The following POU6F1 variants were observed in gnomAD, a reference collection of about 807,000 sequenced individuals.
POU6F1 encodes POU class 6 homeobox 1.
Under a neutral mutation model 28.9 loss-of-function variants are expected in POU6F1, and 9 were observed. The observed-to-expected ratio is 0.31, with a 90% CI of 0.19 to 0.54. The LOEUF (loss-of-function observed/expected upper bound fraction) is 0.54, where lower values mean the gene tolerates loss of function less well. POU6F1 is among the 20% of genes least tolerant of loss of function. The probability of loss-of-function intolerance (pLI) is 0.94; values close to 1 mark genes in which losing one functional copy is unlikely to be tolerated. For synonymous variants in POU6F1, 173 were observed against 171.1 expected, an observed-to-expected ratio of 1.01 and a Z score of -0.09; for missense variants, 338 against 426.1, an observed-to-expected ratio of 0.79 and a Z score of 1.82.
At chr12:51,193,802 CTA>C (rs1429561271) in intron 8 of POU6F1, among the ~76,000 whole-genome samples, 6 of 152,064 alleles carry the variant, frequency 3.9e-5, no homozygotes, top group Admixed American at 1.3e-4. Context: ...TCAGAAGAAA[CTA>C]TAAATATATG....
chr12:51,200,913 G>A (rs951188679), intron 3 of POU6F1, among the ~76,000 whole-genome samples: 6 of 152,044 alleles, frequency 3.9e-5, no homozygotes, highest in Admixed American at 2.6e-4. Flanking sequence ...GGCTAGTCTC[G>A]AACTCCTGAC....
Position 51,209,057 on chromosome 12 carries a change from G to C in POU6F1, c.-47-2174C>G, listed in dbSNP as rs754336676. Among the ~76,000 whole-genome samples the C allele has an allele frequency of 4.4e-4, 67 of 152,184 alleles. 1 individual carries two copies. Among genetic ancestry groups the C allele is most frequent in the Admixed American group, 4.4e-3 (67 of 15,278 alleles). On this transcript the variant is annotated intron_variant, in intron 1 of 10. Coordinates refer to ENST00000333640, the MANE Select transcript of POU6F1 (RefSeq NM_001330422.2). The stretch of plus-strand genomic sequence containing the variant: ...TTGGACTTCCCACCTTCAGTACTAT[G>C]AGAAATAAATTTCTGTTGTTTAAAA...
chr12:51,213,644 C>T (rs1362952564), intron 1 of POU6F1, among the ~76,000 whole-genome samples: 2 of 152,086 alleles, frequency 1.3e-5, no homozygotes, highest in Admixed American at 6.5e-5. Flanking sequence ...AACGATTCTC[C>T]TGCCTCAACC....
rs972440131 is a variant in POU6F1, at chr12:51,187,793, G to A, written c.*2454C>T. The A allele has an allele frequency of 6.6e-6, 1 of 152,168 alleles. No individual in the cohort carries two copies. The highest frequency in any genetic ancestry group is 6.5e-5 in the Admixed American group (1 of 15,268). 9.4% of individuals were successfully genotyped at this position (152,168 alleles called of 1,614,324 possible). ...TTCCCATCATGACACAGGACAGATG[G>A]TGTTCCCCTGCACGTCCACCACCAC... On this transcript the variant is annotated 3_prime_UTR_variant, in exon 11 of 11. Coordinates refer to ENST00000333640, the MANE Select transcript of POU6F1 (RefSeq NM_001330422.2).
Position 51,190,046 on chromosome 12 carries a change from TG to T in POU6F1, c.*200del. The T allele has an allele frequency of 1.0e-6, 1 of 954,268 alleles. No individual in the cohort carries two copies. Among genetic ancestry groups the T allele is most frequent in the Non-Finnish European group, 1.5e-6 (1 of 665,946 alleles). The allele number at this position is 954,268 out of a possible 1,614,324, so 59.1% of individuals were successfully genotyped here. A position where few individuals can be genotyped will look rare whatever the true frequency, so the allele number is the denominator to read the frequency against. ...CAGCCCAGAGCCTGGAGCTCTCGTG[TG>T]GCCCCCTCTGGCCTCCCCATGATGT... is the stretch of plus-strand genomic sequence containing the variant. On this transcript the variant is annotated 3_prime_UTR_variant, in exon 11 of 11. Coordinates refer to ENST00000333640, the MANE Select transcript of POU6F1 (RefSeq NM_001330422.2). This position sits in a 1 kb window ranked among gnomAD's most constrained non-coding sequence, Gnocchi z 4.5.
At chr12:51,213,128 G>T (rs1944112849) in intron 1 of POU6F1, among the ~76,000 whole-genome samples, 1 of 152,086 alleles carries the variant, frequency 6.6e-6, no homozygotes, top group Admixed American at 6.5e-5. Context: ...GTAGAGACGG[G>T]GTTTCACCAT....
At chr12:51,209,875 C>T (rs1334064500) in intron 1 of POU6F1, among the ~76,000 whole-genome samples, 2 of 152,114 alleles carry the variant, frequency 1.3e-5, no homozygotes, top group Non-Finnish European at 2.9e-5. Flanking sequence ...GCAGGAGGGG[C>T]AGAGGAATTT....
intron 1 of POU6F1, among the ~76,000 whole-genome samples, chr12:51,213,602 C>T (rs886251127): frequency 5.9e-5 from 9 of 151,960 alleles, no homozygotes; most frequent in Non-Finnish European, 1.2e-4. Context: ...GGCATGATCT[C>T]GGCTAACTGC....
chr12:51,215,605 T>C (rs1592211103), intron 1 of POU6F1, among the ~76,000 whole-genome samples: 1 of 149,298 alleles, frequency 6.7e-6, no homozygotes, highest in East Asian at 2.0e-4. Flanking sequence ...TAGTATTGGG[T>C]TCTGGAGAAC....
chr12:51,217,937 G>A lies in POU6F1; in HGVS notation c.-343C>T, dbSNP rs1375375077. Reference sequence around the variant, plus strand: ...GCGGGAAGGGGAAGCCGGGTGGGGGGGCGGTCAGGTATATATTTTTCTTCG... The same window carrying A: ...GCGGGAAGGGGAAGCCGGGTGGGGGAGCGGTCAGGTATATATTTTTCTTCG... On this transcript the variant is annotated 5_prime_UTR_variant, in exon 1 of 11. Transcript: ENST00000333640. The surrounding 1 kb of genome is among the most constrained non-coding windows in gnomAD (Gnocchi z 5.3). Among the ~76,000 whole-genome samples the A allele has an allele frequency of 3.9e-5, 6 of 151,938 alleles. No homozygotes were observed. Among genetic ancestry groups the A allele is most frequent in the Admixed American group, 3.9e-4 (6 of 15,272 alleles).
chr12:51,196,867 C>G lies in POU6F1; in HGVS notation c.907G>C (p.Val303Leu). ...QILGSLTTAPVITSAIPSMPG... is the reference protein window; with the variant it reads ...QILGSLTTAPLITSAIPSMPG... ...ATGCTGGGAATGGCGCTGGTAATGA[C>G]TGGAGCTGTAGTGAGGGACCCCAGG... Residue 303 changes from valine (V) to leucine (L), a missense_variant, in exon 7 of 11, where the codon GTC becomes CTC. Val to Leu is a conservative substitution (Grantham distance 32). Coordinates refer to ENST00000333640, the MANE Select transcript of POU6F1 (RefSeq NM_001330422.2). 2 of 1,614,016 alleles carry G rather than the reference C, an allele frequency of 1.2e-6. No individual in the cohort carries two copies. Among genetic ancestry groups the G allele is most frequent in the Non-Finnish European group, 1.7e-6 (2 of 1,179,924 alleles).
intron 1 of POU6F1, among the ~76,000 whole-genome samples, chr12:51,216,387 G>A (rs1210050115): frequency 5.9e-5 from 9 of 152,078 alleles, no homozygotes; most frequent in African/African-American, 2.2e-4. Flanking sequence ...CACACACACT[G>A]ACACACAATC....
At chr12:51,195,755 T>C (rs1942772370) in intron 8 of POU6F1, among the ~76,000 whole-genome samples, 1 of 152,112 alleles carries the variant, frequency 6.6e-6, no homozygotes, top group East Asian at 1.9e-4. Flanking sequence ...ATATTTTGGG[T>C]GCGTGTGAGT....
intron 4 of POU6F1, 112 bp from the exon 5 acceptor site, chr12:51,198,887 G>T: frequency 2.5e-6 from 1 of 397,214 alleles, no homozygotes; most frequent in Non-Finnish European, 4.4e-6. Flanking sequence ...GCATTCTGAG[G>T]GCGATGGGCC....
chr12:51,209,911 C>T (rs551918315), intron 1 of POU6F1, among the ~76,000 whole-genome samples: 2 of 152,290 alleles, frequency 1.3e-5, no homozygotes, highest in African/African-American at 4.8e-5. Context: ...GAGCATCTAA[C>T]TACCTCAATG....
chr12:51,190,193 C>A lies in POU6F1; in HGVS notation c.*54G>T. On this transcript the variant is annotated 3_prime_UTR_variant, in exon 11 of 11. Coordinates refer to ENST00000333640, the MANE Select transcript of POU6F1 (RefSeq NM_001330422.2). The surrounding 1 kb of genome is among the most constrained non-coding windows in gnomAD (Gnocchi z 4.5). Reference sequence around the variant, plus strand: ...GTGCTGTCATGGCAGTGGCTGCAGCCGGATGCCACGGGAAATGGACAAAGT... The same window carrying A: ...GTGCTGTCATGGCAGTGGCTGCAGCAGGATGCCACGGGAAATGGACAAAGT... 6.3e-7 allele frequency: 1 copy of A among 1,579,274 alleles called. No individual in the cohort carries two copies. The highest frequency in any genetic ancestry group is 8.6e-7 in the Non-Finnish European group (1 of 1,162,824).
chr12:51,199,142 GGAACCAA>G lies in POU6F1; in HGVS notation c.367-374_367-368del. On this transcript the variant is annotated intron_variant, in intron 4 of 10. Coordinates refer to ENST00000333640, the MANE Select transcript of POU6F1 (RefSeq NM_001330422.2). The surrounding 1 kb of genome is among the most constrained non-coding windows in gnomAD (Gnocchi z 4.1). ...CAGGGAACAGGGAGCAGAGGCTGAT[GGAACCAA>G]GTGGTCAAGGCCCCGCAGAGGCTAA... Among the ~76,000 whole-genome samples the G allele has an allele frequency of 2.0e-3, 1 of 510 alleles. No homozygotes were observed. Among genetic ancestry groups the G allele is most frequent in the African/African-American group, 5.8e-3 (1 of 172 alleles). The allele number at this position is 510 out of a possible 152,430, so 0.3% of individuals were successfully genotyped here.
chr12:51,195,047 A>G (rs1942717993), intron 8 of POU6F1, among the ~76,000 whole-genome samples: 1 of 152,228 alleles, frequency 6.6e-6, no homozygotes, highest in South Asian at 2.1e-4. Context: ...ATTCTGATGC[A>G]CAGGCTTGAG....
rs1008522906 is a variant in POU6F1 at position 51,199,580 on chromosome 12, G to C, written c.366+167C>G. ...TTTCCAAATGGGCCTGATCTAGGCA[G>C]GGGTGAGGCTGGATGTGCCTAGTGG... On this transcript the variant is annotated intron_variant, in intron 4 of 10. Transcript: ENST00000333640. This position sits in a 1 kb window ranked among gnomAD's most constrained non-coding sequence, Gnocchi z 4.1. 6.6e-6 allele frequency among the ~76,000 whole-genome samples: 1 copy of C among 152,230 alleles called. No individual in the cohort carries two copies. Among genetic ancestry groups the C allele is most frequent in the African/African-American group, 2.4e-5 (1 of 41,444 alleles).
Sources: allele counts gnomAD v4.1 joint callset (sites outside exome capture counted in the v4.1 genomes callset), GRCh38; gene constraint gnomAD v4.1.1; non-coding constraint Gnocchi (gnomAD v3.1); transcripts MANE v1.5; gene names NCBI Gene and HGNC (gene_info 2026-07-23, HGNC 2026-07-21).